TET1: variants seen among roughly 807,000 people sequenced by gnomAD.
The protein encoded by TET1 is methylcytosine dioxygenase TET1.
Under a neutral mutation model 148.7 loss-of-function variants are expected in TET1, and 13 were observed. The ratio of observed to expected loss-of-function variants is 0.09; its 90% CI spans 0.06 to 0.14. The LOEUF (loss-of-function observed/expected upper bound fraction) is 0.14. TET1 is among the 10% of genes least tolerant of loss of function. The pLI is 1.00. For synonymous variants in TET1, 907 were observed against 937.2 expected (o/e 0.97, Z 0.59); for missense variants, 2,182 against 2,553.8 (o/e 0.85, Z 3.14).
intron 3 of TET1, among the ~76,000 whole-genome samples, chr10:68,602,152 C>T (rs894947313): frequency 1.3e-5 from 2 of 152,162 alleles, no homozygotes; most frequent in African/African-American, 4.8e-5. Flanking sequence ...TTAATATTTA[C>T]CACATAGTCA....
chr10:68,674,573 AT>A, intron 8 of TET1: 1 of 541,544 alleles, frequency 1.8e-6, no homozygotes. Context: ...AATTCAGCTG[AT>A]TACTGAAGAT....
At chr10:68,570,703 C>A (rs1003735707) in intron 1 of TET1, among the ~76,000 whole-genome samples, 1 of 151,670 alleles carries the variant, frequency 6.6e-6, no homozygotes, top group Admixed American at 6.6e-5. Flanking sequence ...GATCTTGGCT[C>A]ACTTCAAGCT....
At chr10:68,627,974 C>G (rs894172284) in intron 3 of TET1, among the ~76,000 whole-genome samples, 1 of 151,720 alleles carries the variant, frequency 6.6e-6, no homozygotes, top group East Asian at 1.9e-4. Flanking sequence ...GTGCCCGGCC[C>G]CCAAATATTT....
At chr10:68,654,859 G>T (rs1032699499) in intron 6 of TET1, among the ~76,000 whole-genome samples, 1 of 152,174 alleles carries the variant, frequency 6.6e-6, no homozygotes, top group African/African-American at 2.4e-5. Context: ...AAACTTGACT[G>T]GGGGAGAGTG....
At chr10:68,628,685 G>A in intron 3 of TET1, among the ~76,000 whole-genome samples, 1 of 152,184 alleles carries the variant, frequency 6.6e-6, no homozygotes, top group Admixed American at 6.6e-5. Flanking sequence ...GAGATGAATG[G>A]GTGATTTTGG....
intron 3 of TET1, among the ~76,000 whole-genome samples, chr10:68,608,459 AC>A (rs2054157920): frequency 7.8e-6 from 1 of 128,560 alleles, no homozygotes; most frequent in African/African-American, 3.0e-5. Context: ...CTGGTCTCGT[AC>A]TCCTGACCTC....
intron 6 of TET1, among the ~76,000 whole-genome samples, chr10:68,660,447 C>T (rs1359227557): frequency 6.8e-6 from 1 of 147,988 alleles, no homozygotes; most frequent in African/African-American, 2.5e-5. Context: ...TCAAGCGATT[C>T]TCCTGTCTCA....
At chr10:68,587,081 C>G (rs1328135760) in intron 2 of TET1, among the ~76,000 whole-genome samples, 1 of 152,162 alleles carries the variant, frequency 6.6e-6, no homozygotes, top group Non-Finnish European at 1.5e-5. Flanking sequence ...TTTCACTGTT[C>G]CCATGTGATG....
At chr10:68,615,089 C>G (rs943709112) in intron 3 of TET1, among the ~76,000 whole-genome samples, 1 of 151,758 alleles carries the variant, frequency 6.6e-6, no homozygotes. Flanking sequence ...CGTGTGCCAC[C>G]ACACCCGGCT....
chr10:68,573,968 G>C lies in TET1; in HGVS notation c.1630G>C (p.Gly544Arg), dbSNP rs1174296600. Residue 544 changes from glycine (G) to arginine (R), a missense_variant, in exon 2 of 12, where the codon GGG becomes CGG. Physicochemically the swap from Gly to Arg is moderately radical, Grantham distance 125. This residue lies in a region of TET1 where 665 missense variants were observed against 672.4 expected (regional missense o/e 0.99). Coordinates refer to ENST00000373644, the MANE Select transcript of TET1 (RefSeq NM_030625.3). ...SQAGPSKSDR[G>R]SSQVSVTSTV... ...GGCTGGTCCTAGCAAATCAGACAGAGGGAGCTCCCAGGTCAGTGTAACCAG... is the reference window on the plus strand; with the variant it reads ...GGCTGGTCCTAGCAAATCAGACAGACGGAGCTCCCAGGTCAGTGTAACCAG... 6.2e-7 allele frequency: 1 copy of C among 1,614,176 alleles called. No individual in the cohort carries two copies. The highest frequency in any genetic ancestry group is 8.5e-7 in the Non-Finnish European group (1 of 1,180,030).
intron 3 of TET1, among the ~76,000 whole-genome samples, chr10:68,630,057 A>C (rs2054547361): frequency 1.3e-5 from 2 of 152,056 alleles, no homozygotes; most frequent in Non-Finnish European, 2.9e-5. Flanking sequence ...TATTTTCTTA[A>C]CCATTTCTAG....
chr10:68,694,041 C>A lies in TET1; in HGVS notation c.*2227C>A, dbSNP rs554169459. 47 of 231,452 alleles carry A rather than the reference C, an allele frequency of 2.0e-4. No homozygotes were observed. The highest frequency in any genetic ancestry group is 1.0e-3 in the African/African-American group (46 of 45,392). 14.3% of individuals were successfully genotyped at this position (231,452 alleles called of 1,614,324 possible). ...ATTTTTAAAAGAAGTAGCAAATTAT[C>A]TTCAGTATAATCCATGGTAATGTAT... On this transcript the variant is annotated 3_prime_UTR_variant, in exon 12 of 12. Transcript: ENST00000373644.
intron 3 of TET1, among the ~76,000 whole-genome samples, chr10:68,605,024 G>A (rs960909003): frequency 6.6e-6 from 1 of 152,174 alleles, no homozygotes; most frequent in Non-Finnish European, 1.5e-5. Context: ...GAAGAGCTGG[G>A]TGAACAAATA....
At chr10:68,569,930 C>G (rs1053992486) in intron 1 of TET1, among the ~76,000 whole-genome samples, 1 of 151,966 alleles carries the variant, frequency 6.6e-6, no homozygotes, top group African/African-American at 2.4e-5. Flanking sequence ...TATAGTGAAT[C>G]TAAGGTTTAA....
At chr10:68,651,786 C>G (rs1485399012) in intron 4 of TET1, 60 bp from the exon 5 acceptor site, 1 of 1,268,266 alleles carries the variant, frequency 7.9e-7, no homozygotes, top group East Asian at 2.4e-5. Flanking sequence ...AAAGTAGCTT[C>G]TCCTGTCCCC....
At chr10:68,632,421 G>A in intron 3 of TET1, 1 of 1,611,946 alleles carries the variant, frequency 6.2e-7, no homozygotes, top group Non-Finnish European at 8.5e-7. Context: ...AGTCCCTTAA[G>A]CTCCTAGGAT....
intron 3 of TET1, among the ~76,000 whole-genome samples, chr10:68,609,942 G>T (rs1465012238): frequency 6.6e-6 from 1 of 151,788 alleles, no homozygotes; most frequent in Non-Finnish European, 1.5e-5. Context: ...GAGCTCAGAA[G>T]TTTGAGACCA....
chr10:68,583,216 G>T (rs751526433), intron 2 of TET1, among the ~76,000 whole-genome samples: 5 of 152,112 alleles, frequency 3.3e-5, no homozygotes, highest in Non-Finnish European at 7.3e-5. Context: ...CAGGCTTTTG[G>T]TTTTTTATTC....
rs1554938156 is a variant in TET1 at position 68,624,694 on chromosome 10, CTCTT to C, written c.1969-19994_1969-19991del. On this transcript the variant is annotated intron_variant, in intron 3 of 11. Coordinates refer to ENST00000373644, the MANE Select transcript of TET1 (RefSeq NM_030625.3). ...TCTCTCTCTCTCTCTCTCTCTCTCTCTCTTTCTTTCTTTTCCTTCCTTCTTTCTT... is the reference window on the plus strand; with the variant it reads ...TCTCTCTCTCTCTCTCTCTCTCTCTCTCTTTCTTTTCCTTCCTTCTTTCTT... Among the ~76,000 whole-genome samples, 320 of 95,858 alleles carry C rather than the reference CTCTT, an allele frequency of 3.3e-3. 1 individual carries two copies. Among genetic ancestry groups the C allele is most frequent in the African/African-American group, 0.011 (293 of 26,502 alleles). The allele number at this position is 95,858 out of a possible 152,430, so 62.9% of individuals were successfully genotyped here.
Sources: allele counts gnomAD v4.1 joint callset (sites outside exome capture counted in the v4.1 genomes callset), GRCh38; gene constraint gnomAD v4.1.1; regional missense constraint gnomAD v4.1.1; transcripts MANE v1.5; gene names NCBI Gene and HGNC (gene_info 2026-07-23, HGNC 2026-07-21).